MSH3: variants seen among roughly 807,000 people sequenced by gnomAD.
MSH3 encodes the protein DNA mismatch repair protein Msh3.
A neutral mutation model predicts 123.3 loss-of-function variants in MSH3; 106 were observed. The ratio of observed to expected loss-of-function variants is 0.86; its 90% CI spans 0.73 to 1.01. MSH3 has a LOEUF of 1.01. MSH3 is among the 50% of genes least tolerant of loss of function. The probability of loss-of-function intolerance (pLI) is 0.00; values close to 1 mark genes in which losing one functional copy is unlikely to be tolerated. For missense variants in MSH3, 1,459 were observed against 1,347.6 expected (o/e 1.08, Z -1.29); for synonymous variants, 515 against 481.4 (o/e 1.07, Z -0.91).
chr5:80,693,497 A>ATATGTTTATATAAATATGCACATGTG (rs1750384693), intron 8 of MSH3, among the ~76,000 whole-genome samples: 1 of 149,728 alleles, frequency 6.7e-6, no homozygotes, highest in Non-Finnish European at 1.5e-5. Flanking sequence ...ATGCACATGT[A>ATATGTTTATATAAATATGCACATGTG]TATGTTTATA....
chr5:80,729,077 C>A, intron 10 of MSH3, 112 bp downstream of exon 10: 3 of 712,996 alleles, frequency 4.2e-6, no homozygotes, highest in South Asian at 3.2e-5. Flanking sequence ...TGATAGAATA[C>A]TAGGGTGCAA....
At chr5:80,847,414 G>A (rs1202359347) in intron 20 of MSH3, among the ~76,000 whole-genome samples, 1 of 146,282 alleles carries the variant, frequency 6.8e-6, no homozygotes, top group Non-Finnish European at 1.5e-5. Context: ...GGCTCTTGGT[G>A]GCAAATTTTT....
chr5:80,661,316 T>C (rs1749429793), intron 2 of MSH3, among the ~76,000 whole-genome samples: 2 of 152,192 alleles, frequency 1.3e-5, no homozygotes, highest in Non-Finnish European at 2.9e-5. Context: ...TGTTAAGTCA[T>C]TGAGGCTCTT....
intron 10 of MSH3, 152 bp downstream of exon 10, chr5:80,729,117 A>G (rs897396776): frequency 1.7e-6 from 1 of 585,886 alleles, no homozygotes; most frequent in Non-Finnish European, 3.0e-6. Flanking sequence ...GTTGCTGAAG[A>G]ATATTAAAAA....
intron 21 of MSH3, among the ~76,000 whole-genome samples, chr5:80,858,018 A>AT (rs1226132914): frequency 1.3e-5 from 2 of 151,204 alleles, no homozygotes. Flanking sequence ...AGTGCTATAA[A>AT]TTTTCTTTTT....
At chr5:80,741,681 G>A in intron 11 of MSH3, 133 bp downstream of exon 11, 1 of 712,976 alleles carries the variant, frequency 1.4e-6, no homozygotes, top group South Asian at 1.6e-5. Context: ...ATTGATAACT[G>A]TAGCTCTTTT....
At chr5:80,707,796 T>C (rs971845662) in intron 8 of MSH3, among the ~76,000 whole-genome samples, 5 of 152,324 alleles carry the variant, frequency 3.3e-5, no homozygotes, top group East Asian at 3.9e-4. Context: ...TTTACCCTCC[T>C]CTCAGCAGTG....
Position 80,792,749 on chromosome 5 carries a change from G to A in MSH3, c.2560G>A (p.Glu854Lys). Residue 854 changes from glutamate to lysine, a missense_variant, in exon 19 of 24, where the codon GAA (glutamate) becomes AAA (lysine). Coordinates refer to ENST00000265081, the MANE Select transcript of MSH3 (RefSeq NM_002439.5). ...GDYCRPTVQE[E>K]RKIVIKNGRH... is the part of the protein sequence containing the mutation. ...TTTTTGCAGACCAACTGTACAAGAA[G>A]AAAGAAAAATTGTAATAAAAAATGG... 6.2e-7 allele frequency: 1 copy of A among 1,611,412 alleles called. No homozygotes were observed. The highest frequency in any genetic ancestry group is 8.5e-7 in the Non-Finnish European group (1 of 1,178,100).
chr5:80,856,410 A>T (rs1423036232), intron 21 of MSH3, among the ~76,000 whole-genome samples: 1 of 151,884 alleles, frequency 6.6e-6, no homozygotes, highest in Non-Finnish European at 1.5e-5. Context: ...AGGGACATGG[A>T]TGAAGCTGGA....
chr5:80,831,163 A>G (rs1239707713), intron 20 of MSH3, among the ~76,000 whole-genome samples: 2 of 152,226 alleles, frequency 1.3e-5, no homozygotes, highest in African/African-American at 4.8e-5. Flanking sequence ...ACTTATGCTA[A>G]TAAATGTTTT....
chr5:80,725,447 T>G lies in MSH3; in HGVS notation c.1341-6T>G, dbSNP rs768038493. On this transcript the variant is annotated splice_region_variant and splice_polypyrimidine_tract_variant and intron_variant, in intron 8 of 23. Transcript: ENST00000265081. ...TTATCTTTGAAATTTTCCTTTTTTC[T>G]TTCAGTGTGCAGGATGACAGAATTC... The G allele has an allele frequency of 2.5e-6, 4 of 1,608,980 alleles. No individual in the cohort carries two copies. In the Admixed American group the frequency reaches 6.7e-5, roughly 27 times the overall value.
intron 3 of MSH3, among the ~76,000 whole-genome samples, chr5:80,667,264 T>C (rs1214253351): frequency 6.6e-6 from 1 of 152,206 alleles, no homozygotes; most frequent in East Asian, 1.9e-4. Flanking sequence ...TGATTAACTT[T>C]TATACTACAT....
intron 11 of MSH3, among the ~76,000 whole-genome samples, chr5:80,742,085 C>A (rs1237590447): frequency 6.6e-6 from 1 of 151,878 alleles, no homozygotes; most frequent in Non-Finnish European, 1.5e-5. Flanking sequence ...TATTGGCTCA[C>A]TGCAACCTCT....
At chr5:80,849,573 A>G (rs1162937365) in intron 20 of MSH3, among the ~76,000 whole-genome samples, 6 of 152,122 alleles carry the variant, frequency 3.9e-5, no homozygotes, top group Admixed American at 3.9e-4. Flanking sequence ...TCAATACCAC[A>G]TGGAAGCTGC....
In MSH3 at chr5:80,725,515, C is replaced by T. The variant is rs773779617; in HGVS notation, c.1403C>T (p.Ala468Val). ...MDNIYFEYSH[A>V]FQAVTEFYAK... ...AACATTTATTTTGAATACAGCCATG[C>T]TTTCCAGGCAGTTACAGAGTTTTAT... Residue 468 changes from alanine to valine, a missense_variant, in exon 9 of 24, where the codon GCT (alanine) becomes GTT (valine). Physicochemically the swap from Ala to Val is moderately conservative, Grantham distance 64 (BLOSUM62 0). Coordinates refer to ENST00000265081, the MANE Select transcript of MSH3 (RefSeq NM_002439.5). The T allele has an allele frequency of 6.2e-7, 1 of 1,613,944 alleles. No homozygotes were observed. Among genetic ancestry groups the T allele is most frequent in the Non-Finnish European group, 8.5e-7 (1 of 1,179,902 alleles).
chr5:80,686,531 C>T (rs6861850), intron 8 of MSH3, among the ~76,000 whole-genome samples: 34,564 of 151,874 alleles, frequency 0.23, 4,180 homozygotes, highest in Non-Finnish European at 0.27. Context: ...AGGCTGGTCT[C>T]GAACTCCTGA....
intron 23 of MSH3, among the ~76,000 whole-genome samples, chr5:80,873,958 T>C (rs1023740175): frequency 6.6e-6 from 1 of 152,118 alleles, no homozygotes; most frequent in Admixed American, 6.6e-5. Context: ...AAATATAAAA[T>C]TCTAAAACAA....
intron 19 of MSH3, among the ~76,000 whole-genome samples, chr5:80,796,250 T>C (rs989585214): frequency 6.6e-5 from 10 of 152,182 alleles, no homozygotes; most frequent in Non-Finnish European, 2.9e-5. Flanking sequence ...TATGTTACAC[T>C]TTAATAAAGC....
chr5:80,873,146 C>T lies in MSH3; in HGVS notation c.3161C>T (p.Thr1054Ile). ...GAAEQVPDFVTFLYQITRGIA... is the reference protein window; with the variant it reads ...GAAEQVPDFVIFLYQITRGIA... ...GCAGAACAAGTCCCTGATTTTGTCACCTTCCTTTACCAAATAACTAGAGGA... is the reference window on the plus strand; with the variant it reads ...GCAGAACAAGTCCCTGATTTTGTCATCTTCCTTTACCAAATAACTAGAGGA... The change falls in exon 23 of 24, where the codon ACC (threonine) becomes ATC (isoleucine). Residue 1054 changes from threonine (T) to isoleucine (I), a missense_variant. Coordinates refer to ENST00000265081, the MANE Select transcript of MSH3 (RefSeq NM_002439.5). 1 of 1,613,764 alleles carries T rather than the reference C, an allele frequency of 6.2e-7. No individual in the cohort carries two copies. Among genetic ancestry groups the T allele is most frequent in the Non-Finnish European group, 8.5e-7 (1 of 1,179,740 alleles).
Sources: gnomAD v4.1 joint callset for allele counts (sites outside exome capture counted in the v4.1 genomes callset) on GRCh38, gnomAD v4.1.1 for gene constraint, MANE v1.5 for transcripts, NCBI Gene and HGNC (gene_info 2026-07-23, HGNC 2026-07-21) for gene names.